WRN: variants seen among roughly 807,000 people sequenced by gnomAD.
WRN encodes the protein WRN RecQ like helicase.
In WRN, 149 loss-of-function variants were observed where a neutral mutation model predicts 180.7. That is an observed-to-expected ratio of 0.82 (90% CI 0.72 to 0.94). The LOEUF (loss-of-function observed/expected upper bound fraction) is 0.94, where lower values mean the gene tolerates loss of function less well. Ranked by LOEUF, WRN falls within the 40% of genes least tolerant of loss-of-function variation. WRN has a pLI of 0.00. For missense variants in WRN, 1,661 were observed against 1,700.1 expected (o/e 0.98, Z 0.40); for synonymous variants, 548 against 568.9 (o/e 0.96, Z 0.52).
intron 28 of WRN, among the ~76,000 whole-genome samples, chr8:31,144,649 T>C (rs938111787): frequency 5.3e-5 from 8 of 152,072 alleles, no homozygotes; most frequent in African/African-American, 1.9e-4. Context: ...TCTCTAAGTG[T>C]TTAAGAGAAA....
chr8:31,078,333 C>T (rs955188368), intron 8 of WRN, among the ~76,000 whole-genome samples: 1 of 152,082 alleles, frequency 6.6e-6, no homozygotes, highest in African/African-American at 2.4e-5. Flanking sequence ...GATGACACCT[C>T]AGAACCAGGA....
intron 17 of WRN, among the ~76,000 whole-genome samples, chr8:31,098,204 T>C (rs1784607749): frequency 6.6e-6 from 1 of 152,188 alleles, no homozygotes; most frequent in African/African-American, 2.4e-5. Context: ...GAATTTGATA[T>C]GTTTCCTAAT....
intron 17 of WRN, among the ~76,000 whole-genome samples, chr8:31,100,476 A>C (rs758001029): frequency 6.6e-6 from 1 of 152,178 alleles, no homozygotes; most frequent in Non-Finnish European, 1.5e-5. Flanking sequence ...ATCTCTTTTA[A>C]TAGCTAATGC....
intron 7 of WRN, among the ~76,000 whole-genome samples, chr8:31,075,007 A>G (rs1300769941): frequency 2.0e-5 from 3 of 152,156 alleles, no homozygotes; most frequent in East Asian, 3.9e-4. Flanking sequence ...TATAAGGTCA[A>G]CGGTATGACT....
rs869126206 is a variant in WRN, at chr8:31,155,912, TAA to T, written c.3819+1159_3819+1160del. On this transcript the variant is annotated intron_variant, in intron 32 of 34. Coordinates refer to ENST00000298139, the MANE Select transcript of WRN (RefSeq NM_000553.6). ...TTTTATCATTTAAAATAAATAAGAATAAACAGTCCATAGCTTATCTTACTTAC... is the reference window on the plus strand; with the variant it reads ...TTTTATCATTTAAAATAAATAAGAATACAGTCCATAGCTTATCTTACTTAC... Among the ~76,000 whole-genome samples, 3 of 152,282 alleles carry T rather than the reference TAA, an allele frequency of 2.0e-5. No homozygotes were observed. In the South Asian group the frequency reaches 6.2e-4, roughly 32 times the overall value.
chr8:31,143,156 T>C (rs772175373), intron 27 of WRN, among the ~76,000 whole-genome samples: 87 of 152,060 alleles, frequency 5.7e-4, no homozygotes, highest in Non-Finnish European at 2.5e-4. Context: ...ACAGATTAAA[T>C]ACTAATCCAC....
intron 15 of WRN, 70 bp downstream of exon 15, chr8:31,091,012 C>A: frequency 8.6e-7 from 1 of 1,158,760 alleles, no homozygotes; most frequent in Non-Finnish European, 1.3e-6. Flanking sequence ...TCTGATCCAT[C>A]ATGCATGTTA....
chr8:31,105,104 C>CAG (rs34020312), intron 18 of WRN, among the ~76,000 whole-genome samples: 149,933 of 152,286 alleles, frequency 0.98, 73,864 homozygotes, highest in South Asian at 1. Flanking sequence ...GATATTAAAA[C>CAG]AACAAACCAA....
rs2130514267 is a variant in WRN, at chr8:31,167,052, T to C, written c.4013T>C (p.Leu1338Ser). Residue 1338 changes from leucine to serine, a missense_variant, in exon 34 of 35, where the codon TTA becomes TCA. Physicochemically the swap from Leu to Ser is moderately radical, Grantham distance 145. This residue lies in a region of WRN where 1,141 missense variants were observed against 1,149.4 expected (regional missense o/e 0.99). Coordinates refer to ENST00000298139, the MANE Select transcript of WRN (RefSeq NM_000553.6). ...DMSKISLIRMLVPENIDTYLI... is the reference protein window; with the variant it reads ...DMSKISLIRMSVPENIDTYLI... ...AGTAAAATTAGCCTAATCAGAATGT[T>C]AGTTCCTGAAAACATTGACACGTAC... 1.2e-6 allele frequency: 2 copies of C among 1,613,220 alleles called. No homozygotes were observed. The highest frequency in any genetic ancestry group is 1.7e-6 in the Non-Finnish European group (2 of 1,179,398).
At position 31,033,963 on chromosome 8, in the gene WRN, A is replaced by G. The variant is rs1252062917; in HGVS notation, c.-87A>G. The stretch of plus-strand genomic sequence containing the variant: ...GGCTGAAGAAGACCTGTTGGACTGG[A>G]TCTTCTCGGGGTAAAGTGTCTTCCT... On this transcript the variant is annotated 5_prime_UTR_variant, in exon 1 of 35. Transcript: ENST00000298139. The G allele has an allele frequency of 6.6e-6, 1 of 151,882 alleles. No individual in the cohort carries two copies. Among genetic ancestry groups the G allele is most frequent in the African/African-American group, 2.4e-5 (1 of 41,296 alleles). 9.4% of individuals were successfully genotyped at this position (151,882 alleles called of 1,614,324 possible).
At chr8:31,152,309 C>T (rs1156474061) in intron 31 of WRN, among the ~76,000 whole-genome samples, 1 of 149,268 alleles carries the variant, frequency 6.7e-6, no homozygotes, top group Non-Finnish European at 1.5e-5. Flanking sequence ...CCAGCCTGGG[C>T]GACAGAGCGA....
intron 21 of WRN, 117 bp downstream of exon 21, chr8:31,120,541 T>TAAAAA (rs368026803): frequency 4.4e-6 from 3 of 689,470 alleles, no homozygotes; most frequent in East Asian, 3.3e-5. Context: ...GCATTTAAAG[T>TAAAAA]AAAAAAAAAA....
intron 24 of WRN, among the ~76,000 whole-genome samples, chr8:31,136,335 G>A (rs559841826): frequency 6.6e-6 from 1 of 152,288 alleles, no homozygotes; most frequent in Admixed American, 6.5e-5. Flanking sequence ...AAGTATACCT[G>A]CTTAGAGCTA....
intron 26 of WRN, 35 bp downstream of exon 26, chr8:31,141,810 A>AT (rs1554532805): frequency 6.3e-7 from 1 of 1,584,016 alleles, no homozygotes; most frequent in Non-Finnish European, 8.7e-7. Context: ...TAACTTCTGC[A>AT]TTTTTTGTTG....
intron 31 of WRN, among the ~76,000 whole-genome samples, chr8:31,152,732 A>T (rs1194231317): frequency 6.6e-6 from 1 of 152,222 alleles, no homozygotes; most frequent in African/African-American, 2.4e-5. Context: ...GAGACTACTT[A>T]AGGCACTATC....
At position 31,049,088 on chromosome 8, in the gene WRN, G is replaced by A. The variant is rs201289344; in HGVS notation, c.-76-9284G>A. ...GAGCCGGGCATGGTGGTGGGTGCCTGTAGTCCCAGCTACTCCGGAGGCTGA... is the reference window on the plus strand; with the variant it reads ...GAGCCGGGCATGGTGGTGGGTGCCTATAGTCCCAGCTACTCCGGAGGCTGA... On this transcript the variant is annotated intron_variant, in intron 1 of 34. Transcript: ENST00000298139. Among the ~76,000 whole-genome samples, 38 of 151,518 alleles carry A rather than the reference G, an allele frequency of 2.5e-4. 2 individuals carry two copies. The East Asian group carries it at 5.6e-3, about 22-fold the overall frequency.
intron 19 of WRN, among the ~76,000 whole-genome samples, chr8:31,115,635 A>C (rs1801488653): frequency 6.6e-6 from 1 of 152,198 alleles, no homozygotes; most frequent in Non-Finnish European, 1.5e-5. Context: ...TAAATCTAAA[A>C]TAGTATAGTC....
chr8:31,097,799 C>G (rs987682978), intron 17 of WRN, among the ~76,000 whole-genome samples: 1 of 151,920 alleles, frequency 6.6e-6, no homozygotes, highest in African/African-American at 2.4e-5. Context: ...TTTTTTTCTT[C>G]TTGGTGGTTA....
intron 20 of WRN, 74 bp from the exon 21 acceptor site, chr8:31,120,169 T>C: frequency 6.4e-7 from 1 of 1,574,776 alleles, no homozygotes; most frequent in East Asian, 2.2e-5. Context: ...AAATTATTCT[T>C]ACAAAAAGGT....
Sources: allele counts gnomAD v4.1 joint callset (sites outside exome capture counted in the v4.1 genomes callset), GRCh38; gene constraint gnomAD v4.1.1; regional missense constraint gnomAD v4.1.1; transcripts MANE v1.5; gene names NCBI Gene and HGNC (gene_info 2026-07-23, HGNC 2026-07-21).